Variants in MDFIC observed in about 807,000 individuals in gnomAD.
The protein encoded by MDFIC is myoD family inhibitor domain-containing protein.
A neutral mutation model predicts 23.2 loss-of-function variants in MDFIC; 17 were observed. That is an observed-to-expected ratio of 0.73 (90% confidence interval 0.50 to 1.10). The LOEUF is 1.10. Among genes scored for constraint, MDFIC ranks in the 50% least tolerant of loss-of-function variants. The pLI is 0.00. For missense variants in MDFIC, 356 were observed against 316.6 expected, an observed-to-expected ratio of 1.12 and a Z score of -0.95; for synonymous variants, 120 against 115.2, an observed-to-expected ratio of 1.04 and a Z score of -0.27.
intron 2 of MDFIC, among the ~76,000 whole-genome samples, chr7:114,938,390 A>G (rs931479574): frequency 6.6e-6 from 1 of 152,236 alleles, no homozygotes; most frequent in Non-Finnish European, 1.5e-5. Flanking sequence ...CAAAGTCTGT[A>G]TCTCAATATT....
intron 4 of MDFIC, among the ~76,000 whole-genome samples, chr7:115,002,833 C>T (rs1034547449): frequency 3.4e-4 from 51 of 152,192 alleles, no homozygotes; most frequent in African/African-American, 1.2e-3. Context: ...GAAGTTTCTT[C>T]TGGAGAACAG....
At chr7:114,959,913 C>T (rs568865510) in intron 3 of MDFIC, among the ~76,000 whole-genome samples, 75 of 152,010 alleles carry the variant, frequency 4.9e-4, no homozygotes, top group African/African-American at 1.7e-3. Flanking sequence ...TTCTCGTCAG[C>T]CACTTCCTAT....
rs908676218 is a variant in MDFIC, at chr7:114,956,380, CAT to C, written c.217+13991_217+13992del. 6.6e-5 allele frequency among the ~76,000 whole-genome samples: 10 copies of C among 151,456 alleles called. No homozygotes were observed. In the South Asian group the frequency reaches 2.1e-3, roughly 32 times the overall value. On this transcript the variant is annotated intron_variant, in intron 3 of 4. Coordinates refer to ENST00000393486, the MANE Select transcript of MDFIC (RefSeq NM_001166345.3). ...ACACATATATATATATACACACACA[CAT>C]ATATATACACACATATATATATATA...
At chr7:115,015,377 G>C (rs1455182140) in intron 4 of MDFIC, among the ~76,000 whole-genome samples, 1 of 152,178 alleles carries the variant, frequency 6.6e-6, no homozygotes, top group East Asian at 1.9e-4. Flanking sequence ...AGATGAGTAA[G>C]AAGGATAGAG....
chr7:114,956,394 CATATAT>C (rs369743825), intron 3 of MDFIC, among the ~76,000 whole-genome samples: 1 of 150,036 alleles, frequency 6.7e-6, no homozygotes. Context: ...TATATACACA[CATATAT>C]ATATATATTT....
chr7:114,995,066 A>G (rs1791293194), intron 4 of MDFIC, among the ~76,000 whole-genome samples: 1 of 152,074 alleles, frequency 6.6e-6, no homozygotes, highest in Admixed American at 6.5e-5. Context: ...TATTTTCTCT[A>G]AACTTCTCTT....
chr7:114,924,857 T>C (rs916277588), intron 2 of MDFIC, among the ~76,000 whole-genome samples: 5 of 152,056 alleles, frequency 3.3e-5, no homozygotes, highest in African/African-American at 1.2e-4. Flanking sequence ...TTGGAGCAAA[T>C]GGTTAGAGGA....
rs146898445 is a variant in MDFIC, at chr7:114,985,484, G to C, written c.493+5703G>C. On this transcript the variant is annotated intron_variant, in intron 4 of 4. Transcript: ENST00000393486. ...TTTTTTCTTTTCTCTCTCTCTCTCTGTGTGTGTGTGCTCTTCTTTTTGTTT... is the reference window on the plus strand; with the variant it reads ...TTTTTTCTTTTCTCTCTCTCTCTCTCTGTGTGTGTGCTCTTCTTTTTGTTT... 4.0e-3 allele frequency among the ~76,000 whole-genome samples: 611 copies of C among 151,892 alleles called. 3 individuals are homozygous for C. Among genetic ancestry groups the C allele is most frequent in the African/African-American group, 0.014 (560 of 41,438 alleles).
intron 4 of MDFIC, among the ~76,000 whole-genome samples, chr7:114,981,229 T>C (rs1056780174): frequency 1.3e-5 from 2 of 152,240 alleles, no homozygotes; most frequent in Admixed American, 1.3e-4. Flanking sequence ...TAACCTCTTA[T>C]TTTCCATTTG....
intron 3 of MDFIC, among the ~76,000 whole-genome samples, chr7:114,960,517 T>G (rs148575971): frequency 5.5e-4 from 84 of 152,242 alleles, no homozygotes; most frequent in African/African-American, 2.0e-3. Context: ...AAAAGGGATT[T>G]CTACATATGA....
intron 3 of MDFIC, among the ~76,000 whole-genome samples, chr7:114,978,943 T>C (rs1793367437): frequency 6.6e-6 from 1 of 152,176 alleles, no homozygotes; most frequent in African/African-American, 2.4e-5. Flanking sequence ...ATAACTTGTT[T>C]ATTTAAAAAT....
intron 3 of MDFIC, among the ~76,000 whole-genome samples, chr7:114,977,560 AGAAC>A (rs1793341114): frequency 6.6e-6 from 1 of 152,194 alleles, no homozygotes; most frequent in African/African-American, 2.4e-5. Flanking sequence ...CTCTTCTGGC[AGAAC>A]TTAGGTCACA....
In MDFIC at chr7:114,979,507, C is replaced by T; in HGVS notation, c.219C>T (p.Thr73=). 8.2e-6 allele frequency: 13 copies of T among 1,593,548 alleles called. No homozygotes were observed. Among genetic ancestry groups the T allele is most frequent in the East Asian group, 4.5e-5 (2 of 44,372 alleles). Residue 73 remains threonine (T), a splice_region_variant and synonymous_variant, in exon 4 of 5, where the codon ACC becomes ACT. Coordinates refer to ENST00000393486, the MANE Select transcript of MDFIC (RefSeq NM_001166345.3). ...GACTTTTTCCTGTTTTTAATTTAGC[C>T]CAACCTCAGCGCTTGCCTCAGCTTC... ...GNPSDGELIR[T]QPQRLPQLQT...
intron 2 of MDFIC, chr7:114,933,807 G>C (rs997728854): frequency 2.0e-5 from 3 of 152,200 alleles, no homozygotes; most frequent in Non-Finnish European, 4.4e-5. Flanking sequence ...CTGTCACATG[G>C]AGAGAAGATT....
At chr7:115,010,115 G>T (rs2116128821) in intron 4 of MDFIC, among the ~76,000 whole-genome samples, 1 of 152,290 alleles carries the variant, frequency 6.6e-6, no homozygotes, top group South Asian at 2.1e-4. Flanking sequence ...CATGGATGCA[G>T]AGGACCCATT....
rs544890462 is a variant in MDFIC, at chr7:114,996,411, G to A, written c.493+16630G>A. On this transcript the variant is annotated intron_variant, in intron 4 of 4. Transcript: ENST00000393486. ...TCTGGGCCTGAGCAGTTGAAAGTAA[G>A]GAATGGCCATTAACTGAGATGAGAA... Among the ~76,000 whole-genome samples the A allele has an allele frequency of 1.9e-4, 29 of 152,282 alleles. No homozygotes were observed. The South Asian group carries it at 5.0e-3, about 26-fold the overall frequency.
chr7:114,970,435 T>G (rs1365907504), intron 3 of MDFIC, among the ~76,000 whole-genome samples: 1 of 152,218 alleles, frequency 6.6e-6, no homozygotes, highest in Non-Finnish European at 1.5e-5. Flanking sequence ...CATTTTCTGG[T>G]CACTGGCTCC....
At chr7:114,946,418 C>T (rs1443860807) in intron 3 of MDFIC, among the ~76,000 whole-genome samples, 1 of 152,158 alleles carries the variant, frequency 6.6e-6, no homozygotes, top group African/African-American at 2.4e-5. Context: ...TCTGAAAATT[C>T]TTATTACTTA....
At chr7:114,930,744 A>G (rs1056544896) in intron 2 of MDFIC, among the ~76,000 whole-genome samples, 1 of 152,256 alleles carries the variant, frequency 6.6e-6, no homozygotes, top group African/African-American at 2.4e-5. Flanking sequence ...ATGCAAATAC[A>G]AAGTTATTTA....
Sources: allele counts gnomAD v4.1 joint callset (sites outside exome capture counted in the v4.1 genomes callset), GRCh38; gene constraint gnomAD v4.1.1; transcripts MANE v1.5; gene names NCBI Gene and HGNC (gene_info 2026-07-23, HGNC 2026-07-21).